The following CREBRF variants were observed in gnomAD, a reference collection of about 807,000 sequenced individuals.
CREBRF encodes the protein CREB3 regulatory factor.
In CREBRF, 5 loss-of-function variants were observed where a neutral mutation model predicts 66.1. The observed-to-expected ratio is 0.08, with a 90% CI of 0.04 to 0.16. The LOEUF is 0.16. Among genes scored for constraint, CREBRF ranks in the 10% least tolerant of loss-of-function variants. The pLI, the probability that CREBRF is intolerant of heterozygous loss-of-function variation, is 1.00. For missense variants in CREBRF, 531 were observed against 744.9 expected, an observed-to-expected ratio of 0.71 and a Z score of 3.34; for synonymous variants, 229 against 264.4, an observed-to-expected ratio of 0.87 and a Z score of 1.30.
chr5:173,126,524 G>C (rs1267105182), intron 8 of CREBRF, among the ~76,000 whole-genome samples: 1 of 152,168 alleles, frequency 6.6e-6, no homozygotes, highest in Non-Finnish European at 1.5e-5. Flanking sequence ...AGGCTCAACT[G>C]TGGGCCCCTT....
chr5:173,058,034 T>A (rs1012393506), intron 1 of CREBRF, among the ~76,000 whole-genome samples: 1 of 144,164 alleles, frequency 6.9e-6, no homozygotes, highest in Non-Finnish European at 1.5e-5. Flanking sequence ...AGGCCTGGAA[T>A]TTCTTTTTTT....
intron 4 of CREBRF, chr5:173,092,244 G>A (rs900907728): frequency 9.2e-6 from 9 of 975,126 alleles, no homozygotes; most frequent in African/African-American, 3.5e-5. Flanking sequence ...TAATGTAAAA[G>A]CATTTTCTTT....
Position 173,091,038 on chromosome 5 carries a change from A to G in CREBRF, c.859A>G (p.Thr287Ala). 3 of 1,614,166 alleles carry G rather than the reference A, an allele frequency of 1.9e-6. No individual in the cohort carries two copies. The highest frequency in any genetic ancestry group is 2.5e-6 in the Non-Finnish European group (3 of 1,180,034). Residue 287 changes from threonine to alanine, a missense_variant, in exon 4 of 9, where the codon ACT (threonine) becomes GCT (alanine). By Grantham distance (58) the Thr-to-Ala change is moderately conservative. Transcript: ENST00000296953. ...KGMEPLQGHA[T>A]PALPFKETQE... ...GATGGAGCCTCTTCAAGGTCATGCCACTCCCGCTTTGCCTTTTAAAGAAAC... is the reference window on the plus strand; with the variant it reads ...GATGGAGCCTCTTCAAGGTCATGCCGCTCCCGCTTTGCCTTTTAAAGAAAC...
chr5:173,064,953 C>G (rs1273952601), intron 1 of CREBRF, among the ~76,000 whole-genome samples: 1 of 152,162 alleles, frequency 6.6e-6, no homozygotes, highest in East Asian at 1.9e-4. Flanking sequence ...AAGTGACCCT[C>G]CTGCCTCAGC....
intron 4 of CREBRF, 114 bp from the exon 5 acceptor site, chr5:173,108,510 T>A: frequency 1.2e-6 from 1 of 827,264 alleles, no homozygotes; most frequent in Non-Finnish European, 1.9e-6. Flanking sequence ...ATGCCAATGA[T>A]GTTTTCAGAT....
intron 7 of CREBRF, 68 bp downstream of exon 7, chr5:173,112,447 G>T (rs1758893622): frequency 2.6e-6 from 3 of 1,151,376 alleles, no homozygotes; most frequent in East Asian, 2.5e-5. Context: ...TCTTTTCTTT[G>T]GTTTGTGATT....
chr5:173,104,898 A>G (rs1213262360), intron 4 of CREBRF, among the ~76,000 whole-genome samples: 2 of 152,212 alleles, frequency 1.3e-5, no homozygotes, highest in African/African-American at 4.8e-5. Context: ...GGTGGGACAG[A>G]AGAAATAAAA....
At position 173,090,335 on chromosome 5, in the gene CREBRF, A is replaced by G. The variant is rs1581680080; in HGVS notation, c.156A>G (p.Gln52=). 2 of 1,597,964 alleles carry G rather than the reference A, an allele frequency of 1.3e-6. No homozygotes were observed. Among genetic ancestry groups the G allele is most frequent in the African/African-American group, 1.3e-5 (1 of 74,640 alleles). The part of the protein sequence containing the change: ...MYELDREMNY[Q]QNPRDNFLSL... ...CTCAGGATAGAGAGATGAACTACCAACAGAATCCTAGAGACAACTTTCTTT... is the reference window on the plus strand; with the variant it reads ...CTCAGGATAGAGAGATGAACTACCAGCAGAATCCTAGAGACAACTTTCTTT... Residue 52 remains glutamine, a synonymous_variant, in exon 4 of 9, where the codon CAA becomes CAG. Coordinates refer to ENST00000296953, the MANE Select transcript of CREBRF (RefSeq NM_153607.3). This position sits in a 1 kb window ranked among gnomAD's most constrained non-coding sequence, Gnocchi z 4.5.
intron 1 of CREBRF, among the ~76,000 whole-genome samples, chr5:173,058,596 G>A (rs1166854180): frequency 6.6e-6 from 1 of 151,144 alleles, no homozygotes; most frequent in Non-Finnish European, 1.5e-5. Flanking sequence ...CCATTCTCCT[G>A]CCTCAGCCTC....
chr5:173,099,209 G>A (rs1456515634), intron 4 of CREBRF, among the ~76,000 whole-genome samples: 2 of 152,076 alleles, frequency 1.3e-5, no homozygotes, highest in African/African-American at 4.8e-5. Flanking sequence ...AGGCTGGAGT[G>A]CAGTGGTGCA....
intron 4 of CREBRF, among the ~76,000 whole-genome samples, chr5:173,098,803 C>A (rs1019839036): frequency 6.6e-6 from 1 of 151,052 alleles, no homozygotes; most frequent in African/African-American, 2.4e-5. Context: ...ATGTATACAA[C>A]CTCTTGATAA....
At position 173,091,416 on chromosome 5, in the gene CREBRF, G is replaced by A; in HGVS notation, c.1222+15G>A. 6.2e-7 allele frequency: 1 copy of A among 1,610,490 alleles called. No individual in the cohort carries two copies. Among genetic ancestry groups the A allele is most frequent in the East Asian group, 2.2e-5 (1 of 44,822 alleles). On this transcript the variant is annotated intron_variant, in intron 4 of 8. Transcript: ENST00000296953. ...CTCTGAACCAGGTATTATAATGCTT[G>A]CAAGCTTACCAGACTGACCTTTGTA...
At chr5:173,058,969 G>C (rs1487934751) in intron 1 of CREBRF, among the ~76,000 whole-genome samples, 1 of 150,768 alleles carries the variant, frequency 6.6e-6, no homozygotes, top group Non-Finnish European at 1.5e-5. Context: ...CTAATTTTTT[G>C]TGTTTTTAAT....
intron 2 of CREBRF, 150 bp downstream of exon 2, chr5:173,080,934 CT>C: frequency 2.7e-6 from 2 of 732,210 alleles, no homozygotes; most frequent in South Asian, 3.7e-5. Context: ...AGTACATGTT[CT>C]TCCTTCCATT....
intron 1 of CREBRF, among the ~76,000 whole-genome samples, chr5:173,071,836 C>T (rs1193109400): frequency 2.0e-5 from 3 of 151,628 alleles, no homozygotes; most frequent in African/African-American, 7.3e-5. Context: ...CAGGCGATTG[C>T]TTGAGCCCAG....
rs761543684 is a variant in CREBRF at position 173,091,367 on chromosome 5, GGAT to G, written c.1195_1197del (p.Asp399del). On this transcript the variant is annotated inframe_deletion, in exon 4 of 9. Transcript: ENST00000296953. ...AGGAAGAGGATTATGAAGATGACAA[GGAT>G]GATGATATTAGTGATACTTTCTCTG... 6 of 1,613,890 alleles carry G rather than the reference GGAT, an allele frequency of 3.7e-6. No homozygotes were observed. Among genetic ancestry groups the G allele is most frequent in the Admixed American group, 1.7e-5 (1 of 59,994 alleles).
chr5:173,133,899 A>T lies in CREBRF; in HGVS notation c.*154A>T, dbSNP rs1479443322. The T allele has an allele frequency of 2.1e-6, 1 of 468,644 alleles. No individual in the cohort carries two copies. The highest frequency in any genetic ancestry group is 2.0e-5 in the African/African-American group (1 of 49,444). 29.0% of individuals were successfully genotyped at this position (468,644 alleles called of 1,614,324 possible). A position where few individuals can be genotyped will look rare whatever the true frequency, so the allele number is the denominator to read the frequency against. On this transcript the variant is annotated 3_prime_UTR_variant, in exon 9 of 9. Transcript: ENST00000296953. ...AACTAAGTAGCATAAGTGAAGCATG[A>T]TCCAAAATACTTGATTATTGCATTT...
chr5:173,085,885 C>T (rs1758131865), intron 2 of CREBRF: 1 of 844,158 alleles, frequency 1.2e-6, no homozygotes, highest in African/African-American at 1.7e-5. Context: ...CAGTTTGGGT[C>T]CCAACAAGCA....
intron 2 of CREBRF, among the ~76,000 whole-genome samples, chr5:173,083,018 G>A (rs1758013752): frequency 6.7e-6 from 1 of 148,622 alleles, no homozygotes; most frequent in Admixed American, 6.8e-5. Context: ...CTTGAGGTCA[G>A]GAGTTAGACC....
Sources: allele counts gnomAD v4.1 joint callset (sites outside exome capture counted in the v4.1 genomes callset), GRCh38; gene constraint gnomAD v4.1.1; non-coding constraint Gnocchi (gnomAD v3.1); transcripts MANE v1.5; gene names NCBI Gene and HGNC (gene_info 2026-07-23, HGNC 2026-07-21).